The following WIPI2 variants were observed in gnomAD, a reference collection of about 807,000 sequenced individuals.
The protein encoded by WIPI2 is WD repeat domain phosphoinositide-interacting protein 2.
A neutral mutation model predicts 52.3 loss-of-function variants in WIPI2; 28 were observed. That is an observed-to-expected ratio of 0.54 (90% CI 0.40 to 0.73). WIPI2 has a LOEUF of 0.73. WIPI2 is among the 30% of genes least tolerant of loss of function. The pLI, the probability that WIPI2 is intolerant of heterozygous loss-of-function variation, is 0.00. For missense variants in WIPI2, 506 were observed against 602.9 expected, an observed-to-expected ratio of 0.84 and a Z score of 1.68; for synonymous variants, 268 against 245.0, an observed-to-expected ratio of 1.09 and a Z score of -0.88.
At chr7:5,222,999 C>T (rs2115303115) in intron 8 of WIPI2, among the ~76,000 whole-genome samples, 1 of 152,322 alleles carries the variant, frequency 6.6e-6, no homozygotes, top group East Asian at 1.9e-4. Context: ...GTAGCACACC[C>T]TCCCCTTTAA....
At chr7:5,213,071 A>C (rs1196080619) in intron 3 of WIPI2, 4 of 152,120 alleles carry the variant, frequency 2.6e-5, no homozygotes, top group Non-Finnish European at 5.9e-5. Flanking sequence ...GTGTCCACGC[A>C]CTGGCATGAT....
intron 2 of WIPI2, 88 bp from the exon 3 acceptor site, chr7:5,199,488 G>C: frequency 8.6e-7 from 1 of 1,158,920 alleles, no homozygotes; most frequent in Non-Finnish European, 1.3e-6. Context: ...GAACTTGCTG[G>C]GAACTCGCTG....
chr7:5,220,960 ATT>A (rs11361126), intron 7 of WIPI2, among the ~76,000 whole-genome samples: 233 of 107,532 alleles, frequency 2.2e-3, no homozygotes, highest in African/African-American at 7.2e-3. Context: ...CACCCACCTA[ATT>A]TTTTTTTTTT....
rs573913148 is a variant in WIPI2, at chr7:5,232,774, G to C, written c.*1827G>C. ...GTGTGCACAAGAGATACGGAACCCT[G>C]AGCTAGGGTTTCCTGTCACCAAAGA... is the stretch of plus-strand genomic sequence containing the variant. On this transcript the variant is annotated 3_prime_UTR_variant, in exon 13 of 13. Transcript: ENST00000288828. 1 of 156,812 alleles carries C rather than the reference G, an allele frequency of 6.4e-6. No individual in the cohort carries two copies. The highest frequency in any genetic ancestry group is 2.1e-4 in the South Asian group (1 of 4,870). 9.7% of individuals were successfully genotyped at this position (156,812 alleles called of 1,614,324 possible).
chr7:5,204,626 C>G (rs186761086), intron 3 of WIPI2, among the ~76,000 whole-genome samples: 3 of 151,996 alleles, frequency 2.0e-5, no homozygotes, highest in African/African-American at 7.2e-5. Context: ...AGATTTGGTC[C>G]GTAGAACTTA....
chr7:5,214,313 G>A (rs772406328), intron 3 of WIPI2: 19 of 1,548,044 alleles, frequency 1.2e-5, no homozygotes, highest in African/African-American at 8.2e-5. Flanking sequence ...GTGAATGCTC[G>A]TGAGGGGCCA....
At chr7:5,216,797 G>A in intron 5 of WIPI2, 138 bp downstream of exon 5, 1 of 831,844 alleles carries the variant, frequency 1.2e-6, no homozygotes, top group Non-Finnish European at 1.9e-6. Flanking sequence ...AAACCAAGCT[G>A]CCTTCCTACT....
chr7:5,197,801 T>C (rs1781822442), intron 2 of WIPI2, among the ~76,000 whole-genome samples: 1 of 152,298 alleles, frequency 6.6e-6, no homozygotes, highest in East Asian at 1.9e-4. Flanking sequence ...GCCTTCTGTT[T>C]TACCTCCTCA....
Position 5,222,596 on chromosome 7 carries a change from C to T in WIPI2, c.670-6C>T. 6.2e-7 allele frequency: 1 copy of T among 1,613,568 alleles called. No individual in the cohort carries two copies. The highest frequency in any genetic ancestry group is 8.5e-7 in the Non-Finnish European group (1 of 1,179,604). On this transcript the variant is annotated splice_region_variant and splice_polypyrimidine_tract_variant and intron_variant, in intron 7 of 12. Transcript: ENST00000288828. ...CAAATTCTTCTTTTCTCTTTTCCTT[C>T]CACAGGGGACCGTGATTAGGGTATT... is the stretch of plus-strand genomic sequence containing the variant.
Position 5,190,367 on chromosome 7 carries a change from C to G in WIPI2, c.-53C>G. 1 of 1,276,340 alleles carries G rather than the reference C, an allele frequency of 7.8e-7. No homozygotes were observed. The highest frequency in any genetic ancestry group is 3.4e-5 in the East Asian group (1 of 29,608). 79.1% of individuals were successfully genotyped at this position (1,276,340 alleles called of 1,614,324 possible). ...CGCCGACCCTGAGTGCAGCCTGACC[C>G]GCCCTCGCGCGCGCGCCCTCCCCGG... On this transcript the variant is annotated 5_prime_UTR_variant, in exon 1 of 13. Coordinates refer to ENST00000288828, the MANE Select transcript of WIPI2 (RefSeq NM_015610.4).
chr7:5,203,180 A>C (rs1444325924), intron 3 of WIPI2, among the ~76,000 whole-genome samples: 1 of 152,208 alleles, frequency 6.6e-6, no homozygotes, highest in East Asian at 1.9e-4. Context: ...GGTTTGAGAA[A>C]TGGTGTTTTC....
rs1234690946 is a variant in WIPI2 at position 5,214,578 on chromosome 7, C to T, written c.255C>T (p.Ser85=). 1 of 1,614,266 alleles carries T rather than the reference C, an allele frequency of 6.2e-7. No individual in the cohort carries two copies. Among genetic ancestry groups the T allele is most frequent in the African/African-American group, 1.3e-5 (1 of 75,068 alleles). ...DVCIVERLFS[S]SLVAIVSLKA... ...GCATTGTAGAGAGATTGTTCTCCAGCAGCCTAGTGGCCATCGTCAGCCTTA... is the reference window on the plus strand; with the variant it reads ...GCATTGTAGAGAGATTGTTCTCCAGTAGCCTAGTGGCCATCGTCAGCCTTA... Residue 85 remains serine, a synonymous_variant, in exon 4 of 13, where the codon AGC becomes AGT. Coordinates refer to ENST00000288828, the MANE Select transcript of WIPI2 (RefSeq NM_015610.4).
At chr7:5,197,410 A>G (rs575544695) in intron 2 of WIPI2, among the ~76,000 whole-genome samples, 1 of 152,280 alleles carries the variant, frequency 6.6e-6, no homozygotes, top group South Asian at 2.1e-4. Flanking sequence ...GTTTTAGCCT[A>G]GGGATATTAC....
At chr7:5,226,375 T>C (rs955392943) in intron 9 of WIPI2, 3 of 188,030 alleles carry the variant, frequency 1.6e-5, no homozygotes, top group African/African-American at 7.1e-5. Flanking sequence ...GTCTTATCTT[T>C]TAAGAGGGGC....
intron 11 of WIPI2, among the ~76,000 whole-genome samples, chr7:5,228,882 C>T (rs1303866220): frequency 2.0e-5 from 3 of 152,078 alleles, no homozygotes; most frequent in Non-Finnish European, 4.4e-5. Context: ...GCACACAGCA[C>T]ATCCAGCTAA....
intron 3 of WIPI2, among the ~76,000 whole-genome samples, chr7:5,210,548 A>G (rs541451055): frequency 1.3e-5 from 2 of 152,296 alleles, no homozygotes; most frequent in African/African-American, 4.8e-5. Flanking sequence ...CCTCTCCGTG[A>G]TGGCAGGCAC....
Position 5,230,074 on chromosome 7 carries a change from A to T in WIPI2, c.1252+336A>T, listed in dbSNP as rs527840600. On this transcript the variant is annotated intron_variant, in intron 12 of 12. Transcript: ENST00000288828. This position sits in a 1 kb window ranked among gnomAD's most constrained non-coding sequence, Gnocchi z 4.8. ...AGGCATGAGCCACCGTACCAGGCTCATTTTCTCCGTTTTTAAAGAAAATGT... is the reference window on the plus strand; with the variant it reads ...AGGCATGAGCCACCGTACCAGGCTCTTTTTCTCCGTTTTTAAAGAAAATGT... 9.6e-4 allele frequency among the ~76,000 whole-genome samples: 146 copies of T among 151,640 alleles called. No individual in the cohort carries two copies. The highest frequency in any genetic ancestry group is 3.2e-3 in the African/African-American group (134 of 41,334).
chr7:5,225,911 C>A lies in WIPI2; in HGVS notation c.829C>A (p.Leu277Ile), dbSNP rs754223232. Residue 277 changes from leucine (L) to isoleucine (I), a missense_variant, in exon 9 of 13, where the codon CTC (leucine) becomes ATC (isoleucine). This residue lies in a region of WIPI2 where 237 missense variants were observed against 346.9 expected (regional missense o/e 0.68). Transcript: ENST00000288828. ...CACTGAGACCGTGCACATCTTCAAA[C>A]TCGAGACTGTGAAAGAAAAGTGAGT... ...SNTETVHIFK[L>I]ETVKEKPPEE... The A allele has an allele frequency of 6.2e-7, 1 of 1,613,858 alleles. No individual in the cohort carries two copies. The highest frequency in any genetic ancestry group is 2.2e-5 in the East Asian group (1 of 44,880).
intron 8 of WIPI2, among the ~76,000 whole-genome samples, chr7:5,224,725 C>T (rs1401423741): frequency 2.0e-5 from 3 of 152,154 alleles, no homozygotes; most frequent in African/African-American, 7.2e-5. Flanking sequence ...GTGGGGCCGC[C>T]GGATCCATCA....
Sources: allele counts gnomAD v4.1 joint callset (sites outside exome capture counted in the v4.1 genomes callset), GRCh38; gene constraint gnomAD v4.1.1; regional missense constraint gnomAD v4.1.1; non-coding constraint Gnocchi (gnomAD v3.1); transcripts MANE v1.5; gene names NCBI Gene and HGNC (gene_info 2026-07-23, HGNC 2026-07-21).